Variants in LRRTM4 observed in about 807,000 individuals in gnomAD.
The protein encoded by LRRTM4 is leucine-rich repeat transmembrane neuronal protein 4.
A neutral mutation model predicts 47.6 loss-of-function variants in LRRTM4; 25 were observed. The ratio of observed to expected loss-of-function variants is 0.53; its 90% CI spans 0.38 to 0.73. The LOEUF (loss-of-function observed/expected upper bound fraction) is 0.73, where lower values mean the gene tolerates loss of function less well. LRRTM4 is among the 30% of genes least tolerant of loss of function. The pLI, the probability that LRRTM4 is intolerant of heterozygous loss-of-function variation, is 0.00. For missense variants in LRRTM4, 638 were observed against 713.4 expected (o/e 0.89, Z 1.20); for synonymous variants, 311 against 269.5 (o/e 1.15, Z -1.51).
At chr2:77,016,622 C>A (rs922932865) in intron 3 of LRRTM4, among the ~76,000 whole-genome samples, 1 of 152,056 alleles carries the variant, frequency 6.6e-6, no homozygotes, top group Non-Finnish European at 1.5e-5. Context: ...CGCTAGGTAC[C>A]TATTTCTGAA....
intron 3 of LRRTM4, among the ~76,000 whole-genome samples, chr2:77,240,087 C>T (rs920055804): frequency 1.3e-4 from 19 of 151,724 alleles, no homozygotes; most frequent in African/African-American, 4.6e-4. Context: ...AAAAGTGTGT[C>T]TCTGACCAAA....
chr2:76,979,184 C>G (rs1676514209), intron 3 of LRRTM4, among the ~76,000 whole-genome samples: 1 of 151,984 alleles, frequency 6.6e-6, no homozygotes, highest in African/African-American at 2.4e-5. Flanking sequence ...TCAGGCATTT[C>G]TTGGGGACTC....
intron 3 of LRRTM4, among the ~76,000 whole-genome samples, chr2:76,824,153 G>A (rs79207128): frequency 0.016 from 2,375 of 151,588 alleles, 50 homozygotes; most frequent in African/African-American, 0.05. Context: ...CATGCAAATC[G>A]TGTCTTGTCT....
At chr2:77,196,509 G>A (rs1172218724) in intron 3 of LRRTM4, among the ~76,000 whole-genome samples, 2 of 152,250 alleles carry the variant, frequency 1.3e-5, no homozygotes, top group East Asian at 1.9e-4. Context: ...TGTGGGAGGT[G>A]GAGGGCAGCA....
At chr2:76,951,482 T>C (rs929118928) in intron 3 of LRRTM4, among the ~76,000 whole-genome samples, 6 of 152,056 alleles carry the variant, frequency 3.9e-5, no homozygotes, top group African/African-American at 1.4e-4. Context: ...AGCAGGTCAC[T>C]GGACCACATC....
At chr2:77,066,328 A>G (rs532739833) in intron 3 of LRRTM4, among the ~76,000 whole-genome samples, 1 of 152,356 alleles carries the variant, frequency 6.6e-6, no homozygotes, top group South Asian at 2.1e-4. Context: ...ATAAAACAAA[A>G]AAAGGGACTT....
At chr2:77,496,137 G>A (rs1678355167) in intron 3 of LRRTM4, among the ~76,000 whole-genome samples, 1 of 151,776 alleles carries the variant, frequency 6.6e-6, no homozygotes, top group Non-Finnish European at 1.5e-5. Flanking sequence ...ATGTTTTTAT[G>A]TATTTTTGAT....
At chr2:76,765,191 A>G (rs1673410257) in intron 3 of LRRTM4, among the ~76,000 whole-genome samples, 1 of 152,212 alleles carries the variant, frequency 6.6e-6, no homozygotes, top group Non-Finnish European at 1.5e-5. Context: ...CGTCTATTCT[A>G]TGCATGTCAC....
intron 3 of LRRTM4, among the ~76,000 whole-genome samples, chr2:76,930,069 A>AG (rs1340025306): frequency 2.0e-5 from 3 of 152,002 alleles, no homozygotes; most frequent in Admixed American, 2.0e-4. Context: ...GAAAGATTGG[A>AG]GATCAGTATT....
intron 3 of LRRTM4, among the ~76,000 whole-genome samples, chr2:77,112,769 GGCCC>G (rs1671284377): frequency 6.6e-6 from 1 of 152,098 alleles, no homozygotes; most frequent in Non-Finnish European, 1.5e-5. Context: ...TGTCCTTTAT[GGCCC>G]ATGCCCACAG....
chr2:76,817,648 A>G (rs893248057), intron 3 of LRRTM4, among the ~76,000 whole-genome samples: 2 of 152,026 alleles, frequency 1.3e-5, no homozygotes, highest in Admixed American at 6.6e-5. Context: ...AATTGCAGCC[A>G]GAGAATGAGG....
chr2:77,518,689 C>T lies in LRRTM4; in HGVS notation c.1180G>A (p.Val394Ile), dbSNP rs200238635. The T allele has an allele frequency of 3.5e-5, 56 of 1,613,304 alleles. 1 individual carries two copies. The African/African-American group carries it at 4.8e-4, about 14-fold the overall frequency. Residue 394 changes from valine (V) to isoleucine (I), a missense_variant, in exon 3 of 4, where the codon GTC becomes ATC. By Grantham distance (29) the Val-to-Ile change is conservative (BLOSUM62 3). Coordinates refer to ENST00000409884, the MANE Select transcript of LRRTM4 (RefSeq NM_001134745.3). ...IPRPTIFKPD[V>I]TQSTFETPSP... Reference sequence around the variant, plus strand: ...GGTGTTTCAAAGGTGGATTGGGTGACGTCAGGTTTGAAGATGGTAGGTCTA... The same window carrying T: ...GGTGTTTCAAAGGTGGATTGGGTGATGTCAGGTTTGAAGATGGTAGGTCTA...
chr2:76,881,900 A>G lies in LRRTM4; in HGVS notation c.1552-132984T>C, dbSNP rs1232574662. 3.3e-5 allele frequency among the ~76,000 whole-genome samples: 5 copies of G among 152,326 alleles called. No homozygotes were observed. The South Asian group carries it at 6.2e-4, about 19-fold the overall frequency. On this transcript the variant is annotated intron_variant, in intron 3 of 3. Coordinates refer to ENST00000409884, the MANE Select transcript of LRRTM4 (RefSeq NM_001134745.3). ...ATTGTAAATGGTTGCAAGTTTTACC[A>G]ACTGTATTTTTGTGTCAGAAATACG... is the stretch of plus-strand genomic sequence containing the variant.
intron 3 of LRRTM4, among the ~76,000 whole-genome samples, chr2:77,077,245 G>C (rs1680367111): frequency 6.6e-6 from 1 of 152,078 alleles, no homozygotes; most frequent in Non-Finnish European, 1.5e-5. Flanking sequence ...TCAGTAAATT[G>C]TGCCATAGAT....
At chr2:77,099,827 C>T (rs1277375045) in intron 3 of LRRTM4, among the ~76,000 whole-genome samples, 4 of 151,712 alleles carry the variant, frequency 2.6e-5, no homozygotes, top group African/African-American at 9.7e-5. Context: ...ATAAAAATTA[C>T]CTAAACATCA....
intron 3 of LRRTM4, among the ~76,000 whole-genome samples, chr2:76,760,701 C>T (rs1673222580): frequency 6.6e-6 from 1 of 152,132 alleles, no homozygotes; most frequent in South Asian, 2.1e-4. Flanking sequence ...TTATCCTCAC[C>T]TTCCAGCCCA....
chr2:76,925,023 C>T (rs1674545293), intron 3 of LRRTM4, among the ~76,000 whole-genome samples: 1 of 152,016 alleles, frequency 6.6e-6, no homozygotes, highest in Non-Finnish European at 1.5e-5. Context: ...TACATCTAAA[C>T]ATAAAACATG....
intron 3 of LRRTM4, among the ~76,000 whole-genome samples, chr2:77,485,987 C>T (rs1558766040): frequency 6.6e-6 from 1 of 151,978 alleles, no homozygotes; most frequent in African/African-American, 2.4e-5. Flanking sequence ...TATCCGTCTG[C>T]CTCAGCCTCT....
At chr2:76,991,098 C>T (rs186004585) in intron 3 of LRRTM4, among the ~76,000 whole-genome samples, 12 of 151,444 alleles carry the variant, frequency 7.9e-5, no homozygotes, top group African/African-American at 2.2e-4. Context: ...TTGAAATAAA[C>T]GAAAACAGAG....
Sources: allele counts gnomAD v4.1 joint callset (sites outside exome capture counted in the v4.1 genomes callset), GRCh38; gene constraint gnomAD v4.1.1; transcripts MANE v1.5; gene names NCBI Gene and HGNC (gene_info 2026-07-23, HGNC 2026-07-21).